The following CCAR1 variants were observed in gnomAD, a reference collection of about 807,000 sequenced individuals.
CCAR1 encodes cell division cycle and apoptosis regulator protein 1.
Under a neutral mutation model 163.8 loss-of-function variants are expected in CCAR1, and 78 were observed. The ratio of observed to expected loss-of-function variants is 0.48; its 90% CI spans 0.40 to 0.57. The LOEUF is 0.57. Ranked by LOEUF, CCAR1 falls within the 20% of genes least tolerant of loss-of-function variation. CCAR1 has a pLI of 0.00. For missense variants in CCAR1, 1,019 were observed against 1,365.2 expected, an observed-to-expected ratio of 0.75 and a Z score of 4.00; for synonymous variants, 443 against 460.7, an observed-to-expected ratio of 0.96 and a Z score of 0.49.
intron 16 of CCAR1, among the ~76,000 whole-genome samples, chr10:68,762,372 T>C (rs1282065543): frequency 1.3e-5 from 2 of 151,628 alleles, no homozygotes; most frequent in Non-Finnish European, 2.9e-5. Flanking sequence ...AAAACAGTTC[T>C]AGGTAAATGG....
intron 18 of CCAR1, among the ~76,000 whole-genome samples, chr10:68,771,671 T>C (rs2056604274): frequency 6.6e-6 from 1 of 151,870 alleles, no homozygotes; most frequent in Non-Finnish European, 1.5e-5. Flanking sequence ...TAGTCCTAGC[T>C]ATTGGGGAGG....
intron 23 of CCAR1, among the ~76,000 whole-genome samples, chr10:68,789,484 G>A (rs1196296065): frequency 6.6e-6 from 1 of 151,864 alleles, no homozygotes; most frequent in Non-Finnish European, 1.5e-5. Flanking sequence ...AGCCAAGATC[G>A]TGCCACTTCG....
intron 2 of CCAR1, 32 bp from the exon 3 acceptor site, chr10:68,736,843 AT>A (rs774451664): frequency 2.8e-5 from 44 of 1,578,978 alleles, no homozygotes; most frequent in Non-Finnish European, 3.6e-5. Context: ...CTTAATCTTG[AT>A]TTTTATTTTT....
intron 2 of CCAR1, among the ~76,000 whole-genome samples, chr10:68,724,337 A>G (rs2055908950): frequency 6.6e-6 from 1 of 151,992 alleles, no homozygotes; most frequent in South Asian, 2.1e-4. Flanking sequence ...GTGTTTGTGC[A>G]AGCCTGTAAT....
intron 4 of CCAR1, 38 bp from the exon 5 acceptor site, chr10:68,740,591 T>A: frequency 6.4e-7 from 1 of 1,574,620 alleles, no homozygotes. Flanking sequence ...CAATTCTGAT[T>A]GACCCTTTTC....
chr10:68,781,983 G>A (rs998592764), intron 19 of CCAR1, among the ~76,000 whole-genome samples: 3 of 152,158 alleles, frequency 2.0e-5, no homozygotes, highest in African/African-American at 7.2e-5. Context: ...AGTTTTTTTG[G>A]CGTCAGTTAG....
At chr10:68,733,435 A>G (rs961332929) in intron 2 of CCAR1, among the ~76,000 whole-genome samples, 1 of 152,090 alleles carries the variant, frequency 6.6e-6, no homozygotes, top group Non-Finnish European at 1.5e-5. Flanking sequence ...GAGAAAATGA[A>G]AAACTTGGTG....
Position 68,741,066 on chromosome 10 carries a change from A to G in CCAR1, c.324+405A>G, listed in dbSNP as rs567989353. 1.0e-3 allele frequency among the ~76,000 whole-genome samples: 157 copies of G among 151,952 alleles called. 1 individual carries two copies. The highest frequency in any genetic ancestry group is 3.6e-3 in the African/African-American group (149 of 41,434). ...GTAGCTGGGATTACAGGCGCCTGCC[A>G]CCACGCCTGGCTGATTTTTGTATTT... is the stretch of plus-strand genomic sequence containing the variant. On this transcript the variant is annotated intron_variant, in intron 5 of 24. Coordinates refer to ENST00000265872, the MANE Select transcript of CCAR1 (RefSeq NM_018237.4).
intron 10 of CCAR1, among the ~76,000 whole-genome samples, 158 bp downstream of exon 10, chr10:68,749,843 C>T (rs1286296662): frequency 6.6e-6 from 1 of 152,200 alleles, no homozygotes; most frequent in Non-Finnish European, 1.5e-5. Flanking sequence ...TAATTATCTA[C>T]AATGCTGCAT....
At chr10:68,758,980 T>C (rs1210394791) in intron 15 of CCAR1, among the ~76,000 whole-genome samples, 1 of 152,136 alleles carries the variant, frequency 6.6e-6, no homozygotes, top group African/African-American at 2.4e-5. Flanking sequence ...CCCGCTGTCA[T>C]TCATAACATT....
chr10:68,758,615 GTA>G (rs150136958), intron 15 of CCAR1, among the ~76,000 whole-genome samples: 15,293 of 105,224 alleles, frequency 0.15, 1,571 homozygotes, highest in East Asian at 0.31. Context: ...ATACGTGTGT[GTA>G]TATATATATA....
At position 68,734,079 on chromosome 10, in the gene CCAR1, T is replaced by A. The variant is rs116015623; in HGVS notation, c.74-2797T>A. 2.9e-3 allele frequency among the ~76,000 whole-genome samples: 436 copies of A among 152,284 alleles called. 7 individuals carry two copies. Among genetic ancestry groups the A allele is most frequent in the African/African-American group, 9.7e-3 (405 of 41,570 alleles). ...TCTTTCTTATTTTGTTATTTTTTTT[T>A]ATTTTAAATGAAATTAGACTTTTTA... On this transcript the variant is annotated intron_variant, in intron 2 of 24. Coordinates refer to ENST00000265872, the MANE Select transcript of CCAR1 (RefSeq NM_018237.4).
chr10:68,721,341 C>T (rs1337119597), intron 1 of CCAR1, 59 bp downstream of exon 1: 6 of 257,200 alleles, frequency 2.3e-5, no homozygotes, highest in African/African-American at 9.5e-5. Context: ...CTCTTAACAT[C>T]TTGTCGAATC....
chr10:68,749,293 G>A, intron 9 of CCAR1, 28 bp downstream of exon 9: 1 of 1,576,148 alleles, frequency 6.3e-7, no homozygotes. Context: ...TACTGTGGAT[G>A]GTGGCAATGG....
chr10:68,788,099 G>A (rs1220233116), intron 22 of CCAR1, 44 bp from the exon 23 acceptor site: 2 of 1,521,922 alleles, frequency 1.3e-6, no homozygotes, highest in South Asian at 1.3e-5. Flanking sequence ...AGTAATTAAA[G>A]AAGAAAAATA....
intron 14 of CCAR1, 124 bp from the exon 15 acceptor site, chr10:68,757,170 C>CT: frequency 1.7e-6 from 1 of 592,442 alleles, no homozygotes; most frequent in East Asian, 3.1e-5. Context: ...TAAATAATAA[C>CT]TTTAGGAGAA....
intron 6 of CCAR1, among the ~76,000 whole-genome samples, chr10:68,746,871 C>T (rs1211739257): frequency 6.6e-6 from 1 of 152,100 alleles, no homozygotes; most frequent in Non-Finnish European, 1.5e-5. Flanking sequence ...AACCACCACA[C>T]CCAGCCCCAT....
intron 2 of CCAR1, among the ~76,000 whole-genome samples, chr10:68,729,150 G>A (rs1317231292): frequency 6.6e-6 from 1 of 152,114 alleles, no homozygotes; most frequent in African/African-American, 2.4e-5. Flanking sequence ...CATGTATTTG[G>A]TGGGTAGTGA....
chr10:68,775,497 C>CTTTTTT (rs58856212), intron 19 of CCAR1, among the ~76,000 whole-genome samples: 3,749 of 114,746 alleles, frequency 0.033, 3 homozygotes, highest in Non-Finnish European at 0.045. Context: ...GCCTCATTTT[C>CTTTTTT]TTTTTTTTTT....
Sources: allele counts gnomAD v4.1 joint callset (sites outside exome capture counted in the v4.1 genomes callset), GRCh38; gene constraint gnomAD v4.1.1; transcripts MANE v1.5; gene names NCBI Gene and HGNC (gene_info 2026-07-23, HGNC 2026-07-21).